KMT2C: variants seen among roughly 807,000 people sequenced by gnomAD.
KMT2C encodes the protein lysine methyltransferase 2C.
In KMT2C, 88 loss-of-function variants were observed where a neutral mutation model predicts 507.9. The observed-to-expected ratio is 0.17, with a 90% confidence interval of 0.15 to 0.21. KMT2C has a LOEUF of 0.21. Ranked by LOEUF, KMT2C falls within the 10% of genes least tolerant of loss-of-function variation. The pLI, the probability that KMT2C is intolerant of heterozygous loss-of-function variation, is 1.00. For synonymous variants in KMT2C, 2,049 were observed against 2,080.8 expected (o/e 0.98, Z 0.42); for missense variants, 4,954 against 5,957.8 (o/e 0.83, Z 5.55).
intron 1 of KMT2C, among the ~76,000 whole-genome samples, chr7:152,365,976 A>G (rs921558867): frequency 6.6e-6 from 1 of 152,206 alleles, no homozygotes; most frequent in Admixed American, 6.5e-5. Context: ...TATACAAATG[A>G]CCAAAAAAAC....
rs936083031 is a variant in KMT2C, at chr7:152,144,414, A to G, written c.14343+299T>C. Among the ~76,000 whole-genome samples the G allele has an allele frequency of 1.3e-5, 2 of 152,170 alleles. No individual in the cohort carries two copies. Among genetic ancestry groups the G allele is most frequent in the African/African-American group, 4.8e-5 (2 of 41,436 alleles). The stretch of plus-strand genomic sequence containing the variant: ...AGTGCTTGAAACAGCTCTACTGAGC[A>G]CTCCACAAATCCAGTGTGTGCAAAT... On this transcript the variant is annotated intron_variant, in intron 55 of 58. Coordinates refer to ENST00000262189, the MANE Select transcript of KMT2C (RefSeq NM_170606.3). This position sits in a 1 kb window ranked among gnomAD's most constrained non-coding sequence, Gnocchi z 4.4.
chr7:152,285,653 A>T (rs1028570973), intron 6 of KMT2C, among the ~76,000 whole-genome samples: 1 of 152,188 alleles, frequency 6.6e-6, no homozygotes, highest in Non-Finnish European at 1.5e-5. Flanking sequence ...ATACCCTTGG[A>T]AAAAAAGCAG....
rs555600998 is a variant in KMT2C, at chr7:152,221,315, G to A, written c.3500-580C>T. 5.9e-5 allele frequency among the ~76,000 whole-genome samples: 9 copies of A among 152,314 alleles called. No individual in the cohort carries two copies. The South Asian group carries it at 1.9e-3, about 32-fold the overall frequency. The stretch of plus-strand genomic sequence containing the variant: ...CCCAATAAAAAGAGTTAGAAGCACT[G>A]CAACTAAATGCAATGCTCAGCTAAT... On this transcript the variant is annotated intron_variant, in intron 22 of 58. Transcript: ENST00000262189.
chr7:152,343,347 T>C (rs2097017509), intron 2 of KMT2C, among the ~76,000 whole-genome samples: 2 of 151,612 alleles, frequency 1.3e-5, no homozygotes, highest in African/African-American at 4.8e-5. Context: ...ATGCTTTTAG[T>C]GGGTCTATTA....
intron 2 of KMT2C, among the ~76,000 whole-genome samples, chr7:152,347,859 T>A (rs2097074851): frequency 1.3e-5 from 2 of 152,182 alleles, no homozygotes; most frequent in South Asian, 2.1e-4. Flanking sequence ...TTTCAAATTG[T>A]CACGAATCTC....
intron 6 of KMT2C, among the ~76,000 whole-genome samples, chr7:152,288,011 A>G (rs1326877193): frequency 1.4e-5 from 2 of 142,082 alleles, no homozygotes; most frequent in Non-Finnish European, 3.0e-5. Flanking sequence ...CAACAGAGCA[A>G]GAGTCTGCCT....
intron 9 of KMT2C, among the ~76,000 whole-genome samples, chr7:152,261,112 T>C (rs1290499445): frequency 3.2e-4 from 49 of 152,382 alleles, no homozygotes; most frequent in African/African-American, 1.1e-3. Flanking sequence ...AAGATAACAT[T>C]TTTATAACAC....
chr7:152,142,405 T>C (rs1431083693), intron 55 of KMT2C, among the ~76,000 whole-genome samples: 1 of 152,204 alleles, frequency 6.6e-6, no homozygotes, highest in African/African-American at 2.4e-5. Context: ...TAAGGTAACA[T>C]CAGTCTATAT....
intron 9 of KMT2C, among the ~76,000 whole-genome samples, chr7:152,252,975 C>A (rs1043891210): frequency 1.3e-4 from 20 of 152,060 alleles, no homozygotes; most frequent in Non-Finnish European, 2.1e-4. Context: ...CTGCCTCAGC[C>A]TCCTGAGTAG....
chr7:152,153,751 G>C (rs760066629), intron 48 of KMT2C, among the ~76,000 whole-genome samples: 2 of 144,906 alleles, frequency 1.4e-5, no homozygotes, highest in African/African-American at 2.6e-5. Context: ...AAAAAAAAAA[G>C]AGTTCTCTAA....
At chr7:152,290,437 G>A (rs1468480486) in intron 6 of KMT2C, among the ~76,000 whole-genome samples, 46 of 146,524 alleles carry the variant, frequency 3.1e-4, no homozygotes, top group Non-Finnish European at 5.1e-4. Context: ...GGCCTCCCCC[G>A]TAGATGGGAC....
At chr7:152,310,896 G>A (rs1466502389) in intron 5 of KMT2C, among the ~76,000 whole-genome samples, 1 of 151,896 alleles carries the variant, frequency 6.6e-6, no homozygotes, top group Non-Finnish European at 1.5e-5. Flanking sequence ...ATGTTGCCCA[G>A]TCTGGTCTTG....
At chr7:152,386,614 A>T (rs2097429544) in intron 1 of KMT2C, among the ~76,000 whole-genome samples, 1 of 152,308 alleles carries the variant, frequency 6.6e-6, no homozygotes, top group African/African-American at 2.4e-5. Flanking sequence ...GCAATCCCTC[A>T]CCGCTTCTCA....
rs554687552 is a variant in KMT2C, at chr7:152,280,227, C to A, written c.850-6360G>T. ...GTGGCCTCTAGGAACTGAGAGTGAC[C>A]CAAGCCAATAGGCAGTAAGAAAATG... On this transcript the variant is annotated intron_variant, in intron 6 of 58. Coordinates refer to ENST00000262189, the MANE Select transcript of KMT2C (RefSeq NM_170606.3). 6.7e-3 allele frequency among the ~76,000 whole-genome samples: 1,018 copies of A among 152,098 alleles called. 10 individuals are homozygous for A. Among genetic ancestry groups the A allele is most frequent in the African/African-American group, 0.023 (961 of 41,502 alleles).
chr7:152,399,308 C>T (rs1358804094), intron 1 of KMT2C, among the ~76,000 whole-genome samples: 2 of 152,084 alleles, frequency 1.3e-5, no homozygotes, highest in African/African-American at 4.8e-5. Flanking sequence ...GCAGATCAAA[C>T]ATATACATTT....
intron 6 of KMT2C, among the ~76,000 whole-genome samples, chr7:152,290,258 GTATATATATATATATATATATA>G (rs746466676): frequency 1.9e-4 from 5 of 26,242 alleles, no homozygotes; most frequent in African/African-American, 7.0e-4. Context: ...GTGTGTATGT[GTATATATATATATATATATATA>G]TATATATATA....
chr7:152,203,482 T>C (rs2094205691), intron 25 of KMT2C, among the ~76,000 whole-genome samples: 1 of 152,156 alleles, frequency 6.6e-6, no homozygotes, highest in African/African-American at 2.4e-5. Context: ...AAAAAGTGTG[T>C]CCTTTAATAC....
intron 50 of KMT2C, 72 bp downstream of exon 50, chr7:152,151,370 T>C (rs1472380371): frequency 1.5e-5 from 23 of 1,494,434 alleles, no homozygotes; most frequent in Middle Eastern, 1.7e-4. Context: ...CTCTCTGATG[T>C]TGGAAGAGAC....
At chr7:152,218,737 T>C (rs964365159) in intron 23 of KMT2C, among the ~76,000 whole-genome samples, 1 of 152,116 alleles carries the variant, frequency 6.6e-6, no homozygotes, top group Non-Finnish European at 1.5e-5. Flanking sequence ...CTCACATCTC[T>C]AATCTTCTCA....
Sources: gnomAD v4.1 joint callset for allele counts (sites outside exome capture counted in the v4.1 genomes callset) on GRCh38, gnomAD v4.1.1 for gene constraint, Gnocchi (gnomAD v3.1) non-coding constraint, MANE v1.5 for transcripts, NCBI Gene and HGNC (gene_info 2026-07-23, HGNC 2026-07-21) for gene names.